Variants in FBN3 observed in about 807,000 individuals in gnomAD.
The protein encoded by FBN3 is fibrillin-3.
Under a neutral mutation model 330.1 loss-of-function variants are expected in FBN3, and 234 were observed. The observed-to-expected ratio is 0.71, with a 90% CI of 0.64 to 0.79. FBN3 has a LOEUF of 0.79. FBN3 is among the 30% of genes least tolerant of loss of function. FBN3 has a pLI of 0.00. For synonymous variants in FBN3, 1,458 were observed against 1,517.3 expected, an observed-to-expected ratio of 0.96 and a Z score of 0.91; for missense variants, 3,606 against 3,886.9, an observed-to-expected ratio of 0.93 and a Z score of 1.92.
chr19:8,086,447 T>TTTA (rs370506683), intron 54 of FBN3, 122 bp from the exon 55 acceptor site: 8,661 of 326,360 alleles, frequency 0.027, 718 homozygotes, highest in African/African-American at 0.19. Flanking sequence ...TTTATTTATT[T>TTTA]TTATTATTAT....
intron 10 of FBN3, 94 bp from the exon 11 acceptor site, chr19:8,136,625 C>T: frequency 6.5e-7 from 1 of 1,535,560 alleles, no homozygotes; most frequent in Non-Finnish European, 8.9e-7. Context: ...GATACCCCCT[C>T]TAAGGCTGGG....
rs530823202 is a variant in FBN3, at chr19:8,144,172, A to G, written c.541+705T>C. Among the ~76,000 whole-genome samples, 11 of 152,110 alleles carry G rather than the reference A, an allele frequency of 7.2e-5. No homozygotes were observed. In the South Asian group the frequency reaches 8.3e-4, roughly 12 times the overall value. ...GTGGCTCATTTTGGGAGGCTGAGACAGGCAGATCACTTGAGGCCAGGAGTT... is the reference window on the plus strand; with the variant it reads ...GTGGCTCATTTTGGGAGGCTGAGACGGGCAGATCACTTGAGGCCAGGAGTT... On this transcript the variant is annotated intron_variant, in intron 6 of 63. Transcript: ENST00000600128.
chr19:8,135,936 G>GGGGGGGGGGGGGGCGGCCC, intron 13 of FBN3, 25 bp downstream of exon 13: 1 of 668,778 alleles, frequency 1.5e-6, no homozygotes, highest in Non-Finnish European at 2.4e-6. Context: ...GGAAGCCCCT[G>GGGGGGGGGGGGGGCGGCCC]CCCACCCGCC....
At chr19:8,081,567 G>A (rs868858998) in intron 57 of FBN3, 87 bp from the exon 58 acceptor site, 320 of 1,389,406 alleles carry the variant, frequency 2.3e-4, no homozygotes, top group Middle Eastern at 1.1e-3. Flanking sequence ...ACCAGACCCC[G>A]ACCATCTGAA....
Position 8,131,429 on chromosome 19 carries a change from T to G in FBN3, c.1990+125A>C, listed in dbSNP as rs1233125856. The G allele has an allele frequency of 5.5e-6, 8 of 1,462,536 alleles. No homozygotes were observed. In the East Asian group the frequency reaches 1.8e-4, roughly 33 times the overall value. The allele number at this position is 1,462,536 out of a possible 1,614,324, so 90.6% of individuals were successfully genotyped here. ...ACTCCAACCCCGGGGAGGGAGCAAC[T>G]CCCTTCAGCCTCTTTTTGGGAAGAG... On this transcript the variant is annotated intron_variant, in intron 15 of 63. Transcript: ENST00000600128. This position sits in a 1 kb window ranked among gnomAD's most constrained non-coding sequence, Gnocchi z 4.5.
intron 29 of FBN3, among the ~76,000 whole-genome samples, chr19:8,116,143 A>C (rs752829909): frequency 1.3e-5 from 2 of 152,154 alleles, no homozygotes; most frequent in Non-Finnish European, 2.9e-5. Context: ...GCCGGGAGTT[A>C]CATTGTTACT....
In FBN3 at chr19:8,075,310, G is replaced by C. The variant is rs2081614892; in HGVS notation, c.7555C>G (p.Leu2519Val). 1.2e-6 allele frequency: 2 copies of C among 1,614,142 alleles called. No individual in the cohort carries two copies. Among genetic ancestry groups the C allele is most frequent in the Non-Finnish European group, 1.7e-6 (2 of 1,179,990 alleles). ...TCACAGCCATGGCCTGAGCTGACCA[G>C]GGTGAAGCCTTGGTGGCATTCACAG... ...FRCECHQGFT[L>V]VSSGHGCEDV... Residue 2519 changes from leucine to valine, a missense_variant, in exon 60 of 64, where the codon CTG becomes GTG. Physicochemically the swap from Leu to Val is conservative, Grantham distance 32. Coordinates refer to ENST00000600128, the MANE Select transcript of FBN3 (RefSeq NM_032447.5).
chr19:8,146,292 G>A, intron 3 of FBN3, 67 bp from the exon 4 acceptor site: 1 of 1,389,024 alleles, frequency 7.2e-7, no homozygotes, highest in Non-Finnish European at 1.0e-6. Flanking sequence ...CTCCATTGGT[G>A]TCCGGGCTGG....
At chr19:8,132,206 C>A (rs549243783) in intron 14 of FBN3, among the ~76,000 whole-genome samples, 3 of 151,848 alleles carry the variant, frequency 2.0e-5, no homozygotes, top group Admixed American at 2.0e-4. Context: ...TCTCCATGTT[C>A]GGCTAATTTT....
At chr19:8,092,761 C>T (rs1296757077) in intron 47 of FBN3, among the ~76,000 whole-genome samples, 1 of 142,878 alleles carries the variant, frequency 7.0e-6, no homozygotes, top group Non-Finnish European at 1.5e-5. Context: ...TTTGCAGCAA[C>T]TTGGATGGGG....
chr19:8,128,179 C>T (rs927427864), intron 18 of FBN3, among the ~76,000 whole-genome samples: 14 of 152,094 alleles, frequency 9.2e-5, no homozygotes, highest in African/African-American at 4.8e-5. Flanking sequence ...CTCTGTAGTT[C>T]GAGTAGGACT....
chr19:8,120,285 T>G (rs1407462632), intron 25 of FBN3, among the ~76,000 whole-genome samples: 3 of 150,692 alleles, frequency 2.0e-5, no homozygotes, highest in African/African-American at 7.3e-5. Flanking sequence ...TTCTCCTGCC[T>G]CAGCCTCCTG....
intron 58 of FBN3, 92 bp from the exon 59 acceptor site, chr19:8,081,211 G>A (rs2081774356): frequency 4.7e-6 from 7 of 1,480,834 alleles, no homozygotes; most frequent in Non-Finnish European, 6.5e-6. Flanking sequence ...CCAGGCAGAG[G>A]GGTGACAAGA....
Position 8,076,247 on chromosome 19 carries a change from C to CATGTGTGTGTGT in FBN3, c.7454-837_7454-836insACACACACACAT, listed in dbSNP as rs60725609. On this transcript the variant is annotated intron_variant, in intron 59 of 63. Transcript: ENST00000600128. ...AACCAGTGTATGGGTTGTCCGTGTG[C>CATGTGTGTGTGT]GTGTGTGTGTGTGTGTGTGTGTGTG... Among the ~76,000 whole-genome samples, 1,363 of 147,734 alleles carry CATGTGTGTGTGT rather than the reference C, an allele frequency of 9.2e-3. 15 individuals are homozygous for CATGTGTGTGTGT. Among genetic ancestry groups the CATGTGTGTGTGT allele is most frequent in the African/African-American group, 0.019 (764 of 40,028 alleles).
In FBN3 at chr19:8,103,642, G is replaced by T. The variant is rs2082376903; in HGVS notation, c.4859C>A (p.Thr1620Asn). The T allele has an allele frequency of 6.2e-7, 1 of 1,613,604 alleles. No homozygotes were observed. Among genetic ancestry groups the T allele is most frequent in the Admixed American group, 1.7e-5 (1 of 59,970 alleles). ...STHSGICGPG[T>N]CYNTLGNYTC... Reference sequence around the variant, plus strand: ...GTAGTTCCCCAGGGTGTTGTAGCAGGTGCCAGGGCCACAGATGCCGGAGTG... The same window carrying T: ...GTAGTTCCCCAGGGTGTTGTAGCAGTTGCCAGGGCCACAGATGCCGGAGTG... The change falls in exon 39 of 64, where the codon ACC becomes AAC. Residue 1620 changes from threonine (T) to asparagine (N), a missense_variant. By Grantham distance (65) the Thr-to-Asn change is moderately conservative. Transcript: ENST00000600128.
chr19:8,105,039 C>T (rs1599352637), intron 38 of FBN3, among the ~76,000 whole-genome samples: 1 of 151,940 alleles, frequency 6.6e-6, no homozygotes, highest in Non-Finnish European at 1.5e-5. Flanking sequence ...ACTGCAACCT[C>T]CGCCTCCCAG....
rs763482174 is a variant in FBN3, at chr19:8,096,912, C to T, written c.5382G>A (p.Gly1794=). The part of the protein sequence containing the change: ...PGSYRCKCTR[G]YKLSPGGACV... ...AAGCCCCGCCTGGCGACAGTTTGTA[C>T]CCTCGGGTGCACTTGCAGCGGTAGC... Residue 1794 remains glycine, a synonymous_variant, in exon 43 of 64, where the codon GGG becomes GGA. Coordinates refer to ENST00000600128, the MANE Select transcript of FBN3 (RefSeq NM_032447.5). This position sits in a 1 kb window ranked among gnomAD's most constrained non-coding sequence, Gnocchi z 4.6. The T allele has an allele frequency of 5.6e-6, 9 of 1,613,628 alleles. No individual in the cohort carries two copies. In the East Asian group the frequency reaches 1.8e-4, roughly 32 times the overall value.
intron 41 of FBN3, 110 bp from the exon 42 acceptor site, chr19:8,097,524 A>G (rs1257430874): frequency 1.6e-6 from 2 of 1,218,326 alleles, no homozygotes; most frequent in African/African-American, 3.0e-5. Context: ...TTGTGGCCAC[A>G]AACCAGCACA....
At chr19:8,133,543 C>T (rs981809038) in intron 13 of FBN3, among the ~76,000 whole-genome samples, 8 of 152,136 alleles carry the variant, frequency 5.3e-5, no homozygotes, top group East Asian at 3.9e-4. Context: ...CTCCGCCTCG[C>T]GGGTTCAAGC....
Sources: gnomAD v4.1 joint callset for allele counts (sites outside exome capture counted in the v4.1 genomes callset) on GRCh38, gnomAD v4.1.1 for gene constraint, Gnocchi (gnomAD v3.1) non-coding constraint, MANE v1.5 for transcripts, NCBI Gene and HGNC (gene_info 2026-07-23, HGNC 2026-07-21) for gene names.